The following ACAN variants were observed in gnomAD, a reference collection of about 807,000 sequenced individuals.
The protein encoded by ACAN is aggrecan.
In ACAN, 47 loss-of-function variants were observed where a neutral mutation model predicts 169.1. That is an observed-to-expected ratio of 0.28 (90% confidence interval 0.22 to 0.35). The LOEUF is 0.35. ACAN is among the 10% of genes least tolerant of loss of function. The pLI is 1.00. For missense variants in ACAN, 2,716 were observed against 2,759.9 expected, an observed-to-expected ratio of 0.98 and a Z score of 0.36; for synonymous variants, 1,115 against 1,112.2, an observed-to-expected ratio of 1.00 and a Z score of -0.05.
intron 11 of ACAN, among the ~76,000 whole-genome samples, chr15:88,853,918 A>T (rs1596143250): frequency 1.3e-5 from 2 of 151,316 alleles, no homozygotes; most frequent in Non-Finnish European, 2.9e-5. Flanking sequence ...TCCTCTCAGC[A>T]AGAACAAACT....
chr15:88,849,811 C>T lies in ACAN; in HGVS notation c.2026+80C>T, dbSNP rs761586630. ...TGGGTTCACCGGATCCTGCCACCACCCAGTATCCCATCCATCAGAGCAAGA... is the reference window on the plus strand; with the variant it reads ...TGGGTTCACCGGATCCTGCCACCACTCAGTATCCCATCCATCAGAGCAAGA... On this transcript the variant is annotated intron_variant, in intron 10 of 18. Coordinates refer to ENST00000560601, the MANE Select transcript of ACAN (RefSeq NM_001369268.1). This position sits in a 1 kb window ranked among gnomAD's most constrained non-coding sequence, Gnocchi z 5.1. The T allele has an allele frequency of 6.6e-7, 1 of 1,526,004 alleles. No individual in the cohort carries two copies. The highest frequency in any genetic ancestry group is 1.2e-5 in the South Asian group (1 of 84,502). The allele number at this position is 1,526,004 out of a possible 1,614,324, so 94.5% of individuals were successfully genotyped here. A position where few individuals can be genotyped will look rare whatever the true frequency, so the allele number is the denominator to read the frequency against.
At chr15:88,826,574 C>T (rs192748604) in intron 1 of ACAN, among the ~76,000 whole-genome samples, 112 of 152,024 alleles carry the variant, frequency 7.4e-4, no homozygotes, top group Non-Finnish European at 1.2e-3. Context: ...TTGGGAACCC[C>T]CTCCTCCAAA....
intron 5 of ACAN, among the ~76,000 whole-genome samples, chr15:88,842,518 T>G (rs890048074): frequency 1.1e-3 from 37 of 34,802 alleles, no homozygotes; most frequent in Admixed American, 5.3e-3. Context: ...CCATCCCCCC[T>G]CCCCCCTACC....
chr15:88,825,108 G>A (rs1023511484), intron 1 of ACAN, among the ~76,000 whole-genome samples: 11 of 152,148 alleles, frequency 7.2e-5, no homozygotes, highest in East Asian at 1.9e-4. Context: ...AGAATGTGGC[G>A]GGGTTGAGGG....
In ACAN at chr15:88,855,347, G is replaced by T. The variant is rs767873732; in HGVS notation, c.2762G>T (p.Gly921Val). The T allele has an allele frequency of 2.5e-6, 4 of 1,612,704 alleles. No homozygotes were observed. Among genetic ancestry groups the T allele is most frequent in the Non-Finnish European group, 2.5e-6 (3 of 1,179,080 alleles). The change falls in exon 12 of 19, where the codon GGG becomes GTG. Residue 921 changes from glycine to valine, a missense_variant. Gly to Val is a moderately radical substitution (Grantham distance 109). Transcript: ENST00000560601. ...GLPVESGLPS[G>V]DEERIEWPST... ...CCTGTGGAAAGTGGACTACCCTCAG[G>T]GGATGAAGAGAGAATTGAGTGGCCC...
chr15:88,872,049 C>A lies in ACAN; in HGVS notation c.7266C>A (p.Ile2422=). The A allele has an allele frequency of 6.2e-7, 1 of 1,613,936 alleles. No homozygotes were observed. Among genetic ancestry groups the A allele is most frequent in the Non-Finnish European group, 8.5e-7 (1 of 1,179,898 alleles). Residue 2422 remains isoleucine (I), a synonymous_variant, in exon 16 of 19, where the codon ATC becomes ATA. Transcript: ENST00000560601. The surrounding 1 kb of genome is among the most constrained non-coding windows in gnomAD (Gnocchi z 5.4). ...GGATCGGCCTGAACGACAGGACCAT[C>A]GAAGGGGACTTCCGCTGGTCAGATG... The part of the protein sequence containing the change: ...YQWIGLNDRT[I]EGDFRWSDGH...
In ACAN at chr15:88,813,076, A is replaced by G. The variant is rs138791140; in HGVS notation, c.-8+9267A>G. ...ATGCTGATGGACCTTGGAAATCTCC[A>G]TGCAGCAAAAGCTGCATGGGACATG... is the stretch of plus-strand genomic sequence containing the variant. On this transcript the variant is annotated intron_variant, in intron 1 of 18. Coordinates refer to ENST00000560601, the MANE Select transcript of ACAN (RefSeq NM_001369268.1). 6.9e-4 allele frequency among the ~76,000 whole-genome samples: 105 copies of G among 152,278 alleles called. 1 individual carries two copies. The highest frequency in any genetic ancestry group is 2.5e-3 in the African/African-American group (102 of 41,554).
At position 88,866,602 on chromosome 15, in the gene ACAN, T is replaced by C. The variant is rs1316669762; in HGVS notation, c.6947-1614T>C. Among the ~76,000 whole-genome samples the C allele has an allele frequency of 6.6e-6, 1 of 151,880 alleles. No individual in the cohort carries two copies. The highest frequency in any genetic ancestry group is 2.4e-5 in the African/African-American group (1 of 41,346). ...CCCCGAGATGAAGTTAAAGACTTCATGGGAAGAAAGAGATGCCCAACAACT... is the reference window on the plus strand; with the variant it reads ...CCCCGAGATGAAGTTAAAGACTTCACGGGAAGAAAGAGATGCCCAACAACT... On this transcript the variant is annotated intron_variant, in intron 13 of 18. Transcript: ENST00000560601. The surrounding 1 kb of genome is among the most constrained non-coding windows in gnomAD (Gnocchi z 5.6).
At chr15:88,815,649 C>A (rs1596113872) in intron 1 of ACAN, among the ~76,000 whole-genome samples, 1 of 91,626 alleles carries the variant, frequency 1.1e-5, no homozygotes, top group Non-Finnish European at 2.0e-5. Context: ...AAATGTTCTG[C>A]ACTGATTAAA....
chr15:88,840,786 TAA>T lies in ACAN; in HGVS notation c.629+613_629+614del, dbSNP rs11333209. On this transcript the variant is annotated intron_variant, in intron 4 of 18. Transcript: ENST00000560601. Reference sequence around the variant, plus strand: ...TCTTAGGATACAAAAACTATAGCCATAAAAAAAAAAAAAAGATGAGATAATAG... The same window carrying T: ...TCTTAGGATACAAAAACTATAGCCATAAAAAAAAAAAAGATGAGATAATAG... 3.9e-3 allele frequency among the ~76,000 whole-genome samples: 538 copies of T among 136,330 alleles called. 2 individuals carry two copies. The highest frequency in any genetic ancestry group is 9.2e-3 in the African/African-American group (356 of 38,774). 89.4% of individuals were successfully genotyped at this position (136,330 alleles called of 152,430 possible).
chr15:88,816,150 G>A (rs769684115), intron 1 of ACAN, among the ~76,000 whole-genome samples: 10 of 152,158 alleles, frequency 6.6e-5, no homozygotes, highest in Non-Finnish European at 1.5e-4. Context: ...TTGGACTAAG[G>A]GGCCATCCTA....
At chr15:88,811,793 G>A (rs1411303035) in intron 1 of ACAN, among the ~76,000 whole-genome samples, 1 of 152,150 alleles carries the variant, frequency 6.6e-6, no homozygotes, top group East Asian at 1.9e-4. Context: ...CAGCCCCCTG[G>A]AGCTGAGTAA....
intron 1 of ACAN, among the ~76,000 whole-genome samples, chr15:88,817,111 C>A (rs950777085): frequency 7.9e-5 from 12 of 152,108 alleles, no homozygotes; most frequent in Non-Finnish European, 1.3e-4. Context: ...CTATTTTCTC[C>A]TGTGATTGTC....
chr15:88,842,274 G>A (rs1355369835), intron 5 of ACAN, among the ~76,000 whole-genome samples: 3 of 152,062 alleles, frequency 2.0e-5, no homozygotes, highest in Non-Finnish European at 4.4e-5. Flanking sequence ...AAGCTCCCAG[G>A]GCAGCTGGCC....
Position 88,874,782 on chromosome 15 carries a change from A to T in ACAN, c.*301A>T, listed in dbSNP as rs1897472778. 3 of 445,164 alleles carry T rather than the reference A, an allele frequency of 6.7e-6. No individual in the cohort carries two copies. The highest frequency in any genetic ancestry group is 8.4e-6 in the Non-Finnish European group (2 of 238,608). The allele number at this position is 445,164 out of a possible 1,614,324, so 27.6% of individuals were successfully genotyped here. On this transcript the variant is annotated 3_prime_UTR_variant, in exon 19 of 19. Coordinates refer to ENST00000560601, the MANE Select transcript of ACAN (RefSeq NM_001369268.1). This position sits in a 1 kb window ranked among gnomAD's most constrained non-coding sequence, Gnocchi z 7.3. ...CCTTTCCAGGGACCAGTGCAGGGAC[A>T]GGGGGAGAAGGGGAGGGGTTAAGTT...
intron 1 of ACAN, among the ~76,000 whole-genome samples, chr15:88,804,869 G>A (rs1357428742): frequency 2.6e-5 from 4 of 152,182 alleles, no homozygotes; most frequent in Admixed American, 1.3e-4. Flanking sequence ...CTGCCAGGAG[G>A]AAAATACAAA....
At position 88,868,274 on chromosome 15, in the gene ACAN, C is replaced by T. The variant is rs1461640954; in HGVS notation, c.7005C>T (p.Ile2335=). 5 of 702,800 alleles carry T rather than the reference C, an allele frequency of 7.1e-6. No homozygotes were observed. The highest frequency in any genetic ancestry group is 2.0e-5 in the Admixed American group (1 of 50,012). 43.5% of individuals were successfully genotyped at this position (702,800 alleles called of 1,614,324 possible). A position where few individuals can be genotyped will look rare whatever the true frequency, so the allele number is the denominator to read the frequency against. ...ATGGAGCCACCTGCGTGGATGCCAT[C>T]GACTCTTTCACATGCTTATGCCTTC... ...CLNGATCVDA[I]DSFTCLCLPS... The change falls in exon 14 of 19, where the codon ATC becomes ATT. Residue 2335 remains isoleucine, a synonymous_variant. Transcript: ENST00000560601. The surrounding 1 kb of genome is among the most constrained non-coding windows in gnomAD (Gnocchi z 5.2).
chr15:88,835,966 G>A (rs561557684), intron 1 of ACAN, among the ~76,000 whole-genome samples: 2 of 152,232 alleles, frequency 1.3e-5, no homozygotes, highest in South Asian at 4.1e-4. Context: ...TGAAAGATGG[G>A]AGGTTAGGTT....
chr15:88,848,128 C>T, intron 9 of ACAN, 90 bp downstream of exon 9: 1 of 1,516,556 alleles, frequency 6.6e-7, no homozygotes, highest in East Asian at 2.3e-5. Flanking sequence ...GAGGGGGTTA[C>T]CACCCACCCA....
Sources: allele counts gnomAD v4.1 joint callset (sites outside exome capture counted in the v4.1 genomes callset), GRCh38; gene constraint gnomAD v4.1.1; non-coding constraint Gnocchi (gnomAD v3.1); transcripts MANE v1.5; gene names NCBI Gene and HGNC (gene_info 2026-07-23, HGNC 2026-07-21).